SCFD2: variants seen among roughly 807,000 people sequenced by gnomAD.
SCFD2 encodes sec1 family domain containing 2, also known as sec1 family domain-containing protein 2.
A neutral mutation model predicts 58.9 loss-of-function variants in SCFD2; 54 were observed. That is an observed-to-expected ratio of 0.92 (90% CI 0.74 to 1.15). The LOEUF (loss-of-function observed/expected upper bound fraction) is 1.15, where lower values mean the gene tolerates loss of function less well. Ranked by LOEUF, SCFD2 falls within the 50% of genes most tolerant of loss-of-function variation. The pLI, the probability that SCFD2 is intolerant of heterozygous loss-of-function variation, is 0.00. For synonymous variants in SCFD2, 321 were observed against 335.9 expected (o/e 0.96, Z 0.49); for missense variants, 805 against 836.6 (o/e 0.96, Z 0.47).
At chr4:53,180,658 G>A (rs1727518537) in intron 4 of SCFD2, among the ~76,000 whole-genome samples, 1 of 152,106 alleles carries the variant, frequency 6.6e-6, no homozygotes, top group South Asian at 2.1e-4. Context: ...GATCAGAGTA[G>A]AACTGAAGGA....
intron 8 of SCFD2, among the ~76,000 whole-genome samples, chr4:52,878,210 C>T (rs1421933613): frequency 6.6e-6 from 1 of 152,180 alleles, no homozygotes; most frequent in Non-Finnish European, 1.5e-5. Context: ...TGACACATAG[C>T]AGGTCTTTGA....
At chr4:53,318,421 A>G (rs1732926733) in intron 2 of SCFD2, among the ~76,000 whole-genome samples, 1 of 152,166 alleles carries the variant, frequency 6.6e-6, no homozygotes, top group African/African-American at 2.4e-5. Flanking sequence ...GTCAGAAGCA[A>G]ACATTAGAGG....
At chr4:53,327,248 A>T (rs890137849) in intron 2 of SCFD2, among the ~76,000 whole-genome samples, 2 of 151,832 alleles carry the variant, frequency 1.3e-5, no homozygotes, top group African/African-American at 4.8e-5. Context: ...AGGGCCCAAG[A>T]GGGTGGGTGG....
chr4:52,970,519 G>T (rs766521094), intron 5 of SCFD2, among the ~76,000 whole-genome samples: 9 of 152,194 alleles, frequency 5.9e-5, no homozygotes, highest in Non-Finnish European at 1.2e-4. Flanking sequence ...AAGCTGCCAG[G>T]AAGCTGGAAC....
chr4:53,249,571 C>A (rs1484686051), intron 4 of SCFD2, among the ~76,000 whole-genome samples: 2 of 152,124 alleles, frequency 1.3e-5, no homozygotes, highest in South Asian at 2.1e-4. Context: ...TCAGGTTACC[C>A]ACAAAGGGAA....
intron 2 of SCFD2, among the ~76,000 whole-genome samples, chr4:53,340,526 C>T (rs1733832451): frequency 6.6e-6 from 1 of 152,226 alleles, no homozygotes; most frequent in Non-Finnish European, 1.5e-5. Flanking sequence ...TAGACTCCAC[C>T]TCTGGGGACA....
chr4:53,221,044 A>C (rs1729032761), intron 4 of SCFD2, among the ~76,000 whole-genome samples: 2 of 152,230 alleles, frequency 1.3e-5, no homozygotes, highest in South Asian at 2.1e-4. Context: ...GCAGAGTAGC[A>C]GGAGTATCAG....
intron 5 of SCFD2, among the ~76,000 whole-genome samples, chr4:53,140,663 T>A (rs543164839): frequency 6.6e-6 from 1 of 152,176 alleles, no homozygotes; most frequent in East Asian, 1.9e-4. Flanking sequence ...TTAACCAGAA[T>A]ATTAATTCTC....
chr4:53,365,329 A>G lies in SCFD2; in HGVS notation c.613T>C (p.Ser205Pro). 4 of 1,614,188 alleles carry G rather than the reference A, an allele frequency of 2.5e-6. No individual in the cohort carries two copies. The highest frequency in any genetic ancestry group is 3.4e-6 in the Non-Finnish European group (4 of 1,180,030). Residue 205 changes from serine to proline, a missense_variant, in exon 1 of 9, where the codon TCC becomes CCC. By Grantham distance (74) the Ser-to-Pro change is moderately conservative. Around this residue, in one of 3 missense-constraint regions of SCFD2, gnomAD observed 633 missense variants for 646.8 expected, o/e 0.98. Coordinates refer to ENST00000401642, the MANE Select transcript of SCFD2 (RefSeq NM_152540.4). This position sits in a 1 kb window ranked among gnomAD's most constrained non-coding sequence, Gnocchi z 4.3. Reference sequence around the variant, plus strand: ...AGCAGCTCTGGGGTTAGCGTAGTGGAGTCCACATCACCCAGGCTTCCCAGC... The same window carrying G: ...AGCAGCTCTGGGGTTAGCGTAGTGGGGTCCACATCACCCAGGCTTCCCAGC... ...RKLGSLGDVD[S>P]TTLTPELLLQ... is the part of the protein sequence containing the mutation.
At chr4:53,324,192 G>A (rs1362863057) in intron 2 of SCFD2, among the ~76,000 whole-genome samples, 2 of 151,986 alleles carry the variant, frequency 1.3e-5, no homozygotes, top group Non-Finnish European at 2.9e-5. Flanking sequence ...CAAGGCAGGA[G>A]GATCGCTTGA....
intron 5 of SCFD2, among the ~76,000 whole-genome samples, chr4:53,102,347 G>A (rs1261441361): frequency 5.3e-5 from 8 of 151,910 alleles, no homozygotes; most frequent in Admixed American, 5.3e-4. Flanking sequence ...ATAATCTGAG[G>A]GTAGAAAAGG....
chr4:53,009,862 G>C (rs745433856), intron 5 of SCFD2, among the ~76,000 whole-genome samples: 2 of 152,124 alleles, frequency 1.3e-5, no homozygotes, highest in Non-Finnish European at 2.9e-5. Context: ...ATTCCAGGTG[G>C]GAACATGGAT....
At chr4:53,364,858 CA>C (rs1442289722) in intron 1 of SCFD2, among the ~76,000 whole-genome samples, 1 of 152,172 alleles carries the variant, frequency 6.6e-6, no homozygotes, top group Non-Finnish European at 1.5e-5. Context: ...TTTAACAAGG[CA>C]ATGGGCATTT....
rs1728233065 is a variant in SCFD2, at chr4:53,201,398, C to T, written c.1312-55816G>A. Reference sequence around the variant, plus strand: ...CATAGTATTCCATGGTGTATATGTGCCACATTTTCTTAATCCAGTCTATCA... The same window carrying T: ...CATAGTATTCCATGGTGTATATGTGTCACATTTTCTTAATCCAGTCTATCA... On this transcript the variant is annotated intron_variant, in intron 4 of 8. Transcript: ENST00000401642. Among the ~76,000 whole-genome samples, 3 of 152,232 alleles carry T rather than the reference C, an allele frequency of 2.0e-5. No individual in the cohort carries two copies. In the East Asian group the frequency reaches 5.8e-4, roughly 29 times the overall value.
chr4:53,226,828 G>C (rs1729232681), intron 4 of SCFD2, among the ~76,000 whole-genome samples: 1 of 152,158 alleles, frequency 6.6e-6, no homozygotes, highest in South Asian at 2.1e-4. Flanking sequence ...GATCACTGTG[G>C]CTGCCTCCTT....
chr4:53,294,204 T>C (rs1310563616), intron 3 of SCFD2, among the ~76,000 whole-genome samples: 1 of 152,180 alleles, frequency 6.6e-6, no homozygotes, highest in Non-Finnish European at 1.5e-5. Context: ...TTCTAGATCC[T>C]TGAGGAATCA....
intron 4 of SCFD2, among the ~76,000 whole-genome samples, chr4:53,217,357 T>A (rs959271444): frequency 5.9e-5 from 9 of 152,240 alleles, no homozygotes; most frequent in Non-Finnish European, 1.3e-4. Context: ...ATGTTTAGGA[T>A]AGTTAGCTCT....
At chr4:53,228,459 C>A (rs1168731322) in intron 4 of SCFD2, among the ~76,000 whole-genome samples, 2 of 152,066 alleles carry the variant, frequency 1.3e-5, no homozygotes, top group Non-Finnish European at 2.9e-5. Context: ...GTTGCTTCAA[C>A]AATAACATTA....
intron 4 of SCFD2, among the ~76,000 whole-genome samples, chr4:53,231,272 C>T (rs764208402): frequency 1.3e-5 from 2 of 152,062 alleles, no homozygotes; most frequent in Non-Finnish European, 2.9e-5. Context: ...TTAACTTGCT[C>T]GTCCCTACTC....
Sources: allele counts gnomAD v4.1 joint callset (sites outside exome capture counted in the v4.1 genomes callset), GRCh38; gene constraint gnomAD v4.1.1; regional missense constraint gnomAD v4.1.1; non-coding constraint Gnocchi (gnomAD v3.1); transcripts MANE v1.5; gene names NCBI Gene and HGNC (gene_info 2026-07-23, HGNC 2026-07-21).